CD99L2: variants seen among roughly 807,000 people sequenced by gnomAD.
CD99L2 encodes CD99 antigen-like protein 2.
A neutral mutation model predicts 27.3 loss-of-function variants in CD99L2; 24 were observed. That is an observed-to-expected ratio of 0.88 (90% CI 0.64 to 1.24). The LOEUF (loss-of-function observed/expected upper bound fraction) is 1.24. Among genes scored for constraint, CD99L2 ranks in the 50% most tolerant of loss-of-function variants. CD99L2 has a pLI of 0.00. For synonymous variants in CD99L2, 97 were observed against 87.9 expected, an observed-to-expected ratio of 1.10 and a Z score of -0.58; for missense variants, 255 against 221.6, an observed-to-expected ratio of 1.15 and a Z score of -0.96.
At position 150,776,287 on chromosome X, in the gene CD99L2, A is replaced by G. The variant is rs781875770; in HGVS notation, c.542T>C (p.Val181Ala). 22 of 1,204,215 alleles carry G rather than the reference A, an allele frequency of 1.8e-5. No homozygotes were observed. The African/African-American group carries it at 3.3e-4, about 18-fold the overall frequency. ...GSNDDPGSGM[V>A]AEPGTIAGVA... is the part of the protein sequence containing the mutation. ...CCCGGCAATGGTGCCAGGCTCTGCC[A>G]CCATGCCTGCGTGAAGAAGGGGGAG... is the stretch of plus-strand genomic sequence containing the variant. Residue 181 changes from valine to alanine, a missense_variant, in exon 9 of 11, where the codon GTG becomes GCG. Coordinates refer to ENST00000370377, the MANE Select transcript of CD99L2 (RefSeq NM_031462.4).
chrX:150,769,075 A>G lies in CD99L2; in HGVS notation c.748T>C (p.Ser250Pro). Residue 250 changes from serine (S) to proline (P), a missense_variant, in exon 11 of 11, where the codon TCT becomes CCT. By Grantham distance (74) the Ser-to-Pro change is moderately conservative. Coordinates refer to ENST00000370377, the MANE Select transcript of CD99L2 (RefSeq NM_031462.4). ...TCGGGCGGCGGCGGCGGCTCTGCAG[A>G]CTGCGTGTGCAACGTGGAGTATTTC... ...QVKYSTLHTQ[S>P]AEPPPPPEPA... 3.4e-6 allele frequency: 4 copies of G among 1,165,154 alleles called. No homozygotes were observed. Among genetic ancestry groups the G allele is most frequent in the African/African-American group, 1.8e-5 (1 of 54,330 alleles).
chrX:150,898,009 G>A (rs1557423122), intron 1 of CD99L2, among the ~76,000 whole-genome samples: 1 of 102,357 alleles, frequency 9.8e-6, no homozygotes, highest in Non-Finnish European at 2.0e-5. Flanking sequence ...AACTGAAGCG[G>A]ACGGCAGAAG....
At chrX:150,844,447 C>T (rs782249443) in intron 1 of CD99L2, among the ~76,000 whole-genome samples, 1 of 111,972 alleles carries the variant, frequency 8.9e-6, no homozygotes, top group East Asian at 2.8e-4. Context: ...CCTCTCCCAC[C>T]TTGTGCTAGA....
intron 7 of CD99L2, among the ~76,000 whole-genome samples, chrX:150,779,968 G>A (rs1419297141): frequency 8.9e-6 from 1 of 112,218 alleles, no homozygotes; most frequent in Admixed American, 9.5e-5. Flanking sequence ...CAAGAAAGTA[G>A]AATGACAACC....
At chrX:150,878,050 G>T (rs2047261141) in intron 1 of CD99L2, among the ~76,000 whole-genome samples, 1 of 106,727 alleles carries the variant, frequency 9.4e-6, no homozygotes, top group African/African-American at 3.5e-5. Flanking sequence ...AGAGAACATA[G>T]TAGGGGGCCA....
chrX:150,858,963 G>C (rs2046933199), intron 1 of CD99L2, among the ~76,000 whole-genome samples: 1 of 111,251 alleles, frequency 9.0e-6, no homozygotes, highest in Non-Finnish European at 1.9e-5. Context: ...AAATAGCTAG[G>C]CTAACCAAGA....
intron 1 of CD99L2, among the ~76,000 whole-genome samples, chrX:150,846,800 G>A (rs1470299752): frequency 8.9e-6 from 1 of 111,891 alleles, no homozygotes; most frequent in African/African-American, 3.3e-5. Flanking sequence ...TGAGGCACAA[G>A]AATGTAAGTG....
chrX:150,884,934 C>T (rs1362886241), intron 1 of CD99L2, among the ~76,000 whole-genome samples: 1 of 112,137 alleles, frequency 8.9e-6, no homozygotes, highest in African/African-American at 3.2e-5. Flanking sequence ...AGTGGAATAA[C>T]ATATAGCAAC....
intron 1 of CD99L2, among the ~76,000 whole-genome samples, chrX:150,838,753 C>A (rs191618618): frequency 2.8e-5 from 3 of 107,629 alleles, no homozygotes; most frequent in African/African-American, 1.0e-4. Context: ...TGGGGTCTCA[C>A]TATGTTGCCT....
At chrX:150,848,183 T>C (rs2046732905) in intron 1 of CD99L2, among the ~76,000 whole-genome samples, 1 of 106,926 alleles carries the variant, frequency 9.4e-6, no homozygotes, top group African/African-American at 3.4e-5. Flanking sequence ...ATAATGTGTG[T>C]CCACTGTGAA....
chrX:150,898,593 G>T lies in CD99L2; in HGVS notation c.-5C>A. ...CGCCGAGCGCCAGGCCACCATGGCT[G>T]GGAGCAGGCGGAGGGCCCCGGAGGA... is the stretch of plus-strand genomic sequence containing the variant. On this transcript the variant is annotated 5_prime_UTR_variant, in exon 1 of 11. Transcript: ENST00000370377. 9.1e-7 allele frequency: 1 copy of T among 1,104,903 alleles called. No individual in the cohort carries two copies. Among genetic ancestry groups the T allele is most frequent in the South Asian group, 2.1e-5 (1 of 47,060 alleles). The allele number at this position is 1,104,903 out of a possible 1,213,427, so 91.1% of individuals were successfully genotyped here. A position where few individuals can be genotyped will look rare whatever the true frequency, so the allele number is the denominator to read the frequency against.
intron 2 of CD99L2, among the ~76,000 whole-genome samples, chrX:150,816,634 T>C (rs1482895537): frequency 1.8e-5 from 2 of 111,155 alleles, no homozygotes; most frequent in Non-Finnish European, 3.8e-5. Flanking sequence ...TGGAAGTCAG[T>C]GTGGCGATTC....
At chrX:150,824,512 G>GAAGAAAGAAGAAGAAGAA (rs2046326100) in intron 2 of CD99L2, among the ~76,000 whole-genome samples, 1 of 81,096 alleles carries the variant, frequency 1.2e-5, no homozygotes, top group Non-Finnish European at 2.4e-5. Context: ...AGAAGAAGAA[G>GAAGAAAGAAGAAGAAGAA]GAAGGAAGAA....
chrX:150,897,987 C>G (rs1219299082), intron 1 of CD99L2, among the ~76,000 whole-genome samples: 1 of 104,202 alleles, frequency 9.6e-6, no homozygotes, highest in East Asian at 3.1e-4. Context: ...AAAACATGAC[C>G]AAAGTCTCAA....
At chrX:150,794,781 G>C (rs903385187) in intron 6 of CD99L2, among the ~76,000 whole-genome samples, 1 of 111,757 alleles carries the variant, frequency 8.9e-6, no homozygotes, top group Non-Finnish European at 1.9e-5. Flanking sequence ...TCTCACGATG[G>C]AATAAAGTGC....
intron 1 of CD99L2, among the ~76,000 whole-genome samples, chrX:150,835,169 T>G (rs2046506869): frequency 8.9e-6 from 1 of 111,890 alleles, no homozygotes; most frequent in African/African-American, 3.2e-5. Flanking sequence ...TTTAGCAACC[T>G]ATTGCACTGC....
intron 1 of CD99L2, among the ~76,000 whole-genome samples, chrX:150,876,759 C>T (rs993247245): frequency 1.3e-4 from 14 of 111,855 alleles, no homozygotes; most frequent in East Asian, 2.8e-4. Context: ...GAAAATGCCA[C>T]GGGGAAGAAC....
intron 1 of CD99L2, among the ~76,000 whole-genome samples, chrX:150,884,101 T>A (rs1451266896): frequency 6.2e-5 from 7 of 112,270 alleles, no homozygotes; most frequent in Admixed American, 9.4e-5. Flanking sequence ...AATTCACTTC[T>A]AGGTATAACC....
chrX:150,879,986 C>A (rs2047302176), intron 1 of CD99L2, among the ~76,000 whole-genome samples: 1 of 101,638 alleles, frequency 9.8e-6, no homozygotes, highest in Non-Finnish European at 2.0e-5. Flanking sequence ...AAATGCAAAT[C>A]AAACCCAAAC....
Sources: allele counts gnomAD v4.1 joint callset (sites outside exome capture counted in the v4.1 genomes callset), GRCh38; gene constraint gnomAD v4.1.1; transcripts MANE v1.5; gene names NCBI Gene and HGNC (gene_info 2026-07-23, HGNC 2026-07-21).